The following TRIM10 variants were observed in gnomAD, a reference collection of about 807,000 sequenced individuals.
TRIM10 encodes the protein tripartite motif-containing protein 10.
TRIM10 carries 42 observed loss-of-function variants against 40.0 expected under a neutral mutation model. The ratio of observed to expected loss-of-function variants is 1.05; its 90% CI spans 0.82 to 1.36. The LOEUF (loss-of-function observed/expected upper bound fraction) is 1.36, where lower values mean the gene tolerates loss of function less well. Ranked by LOEUF, TRIM10 falls within the 40% of genes most tolerant of loss-of-function variation. The probability of loss-of-function intolerance (pLI) is 0.00; values close to 1 mark genes in which losing one functional copy is unlikely to be tolerated. For synonymous variants in TRIM10, 260 were observed against 239.5 expected (o/e 1.09, Z -0.79); for missense variants, 601 against 608.3 (o/e 0.99, Z 0.13).
At chr6:30,155,407 A>G (rs1167640884) in intron 6 of TRIM10, among the ~76,000 whole-genome samples, 1 of 152,216 alleles carries the variant, frequency 6.6e-6, no homozygotes, top group African/African-American at 2.4e-5. Flanking sequence ...TAATCTTTCT[A>G]TCTACTCGAC....
Position 30,160,952 on chromosome 6 carries a change from C to A in TRIM10, c.-94G>T. On this transcript the variant is annotated 5_prime_UTR_variant, in exon 1 of 7. The change abolishes an upstream ATG in the 5' untranslated region. Coordinates refer to ENST00000449742, the MANE Select transcript of TRIM10 (RefSeq NM_006778.4). Reference sequence around the variant, plus strand: ...ACACACTCACACACCCACACATGCACATGGCTGGACACAGGCACATACTAA... The same window carrying A: ...ACACACTCACACACCCACACATGCAAATGGCTGGACACAGGCACATACTAA... 1 of 1,237,598 alleles carries A rather than the reference C, an allele frequency of 8.1e-7. No homozygotes were observed. The highest frequency in any genetic ancestry group is 1.1e-6 in the Non-Finnish European group (1 of 909,680). 76.7% of individuals were successfully genotyped at this position (1,237,598 alleles called of 1,614,324 possible). A position where few individuals can be genotyped will look rare whatever the true frequency, so the allele number is the denominator to read the frequency against.
chr6:30,162,133 T>A (rs1396328098), upstream of TRIM10, among the ~76,000 whole-genome samples: 1 of 151,750 alleles, frequency 6.6e-6, no homozygotes, highest in Admixed American at 6.6e-5. Flanking sequence ...AAAATTAGCC[T>A]GGCGTGCTGG....
rs767091803 is a variant in TRIM10, at chr6:30,157,064, C to A, written c.780-10G>T. Reference sequence around the variant, plus strand: ...CTTTCTGGTTTCACATCTAGGGGCACAGAAATGGCTGGGTCTGGGAATTAT... The same window carrying A: ...CTTTCTGGTTTCACATCTAGGGGCAAAGAAATGGCTGGGTCTGGGAATTAT... On this transcript the variant is annotated splice_polypyrimidine_tract_variant and intron_variant, in intron 4 of 6. Transcript: ENST00000449742. 114 of 1,611,590 alleles carry A rather than the reference C, an allele frequency of 7.1e-5. No individual in the cohort carries two copies. Among genetic ancestry groups the A allele is most frequent in the East Asian group, 8.9e-5 (4 of 44,884 alleles).
At position 30,158,561 on chromosome 6, in the gene TRIM10, T is replaced by C. The variant is rs1477035102; in HGVS notation, c.594A>G (p.Glu198=). ...ATTGTGCTAAGAGGATGCTCTGCTG[T>C]TCCTCTAGAAACTTCCTCAGGTGTG... ...EFAHLRKFLE[E]QQSILLAQLE... is the part of the protein sequence containing the mutation. The change falls in exon 3 of 7, where the codon GAA becomes GAG. Residue 198 remains glutamate (E), a synonymous_variant. Transcript: ENST00000449742. 1.9e-6 allele frequency: 3 copies of C among 1,612,918 alleles called. No homozygotes were observed. Among genetic ancestry groups the C allele is most frequent in the Non-Finnish European group, 2.5e-6 (3 of 1,180,042 alleles).
chr6:30,162,003 C>T (rs556853381), upstream of TRIM10, among the ~76,000 whole-genome samples: 9 of 152,024 alleles, frequency 5.9e-5, no homozygotes, highest in South Asian at 1.2e-3. Flanking sequence ...TGGCCGGGCG[C>T]GGTGGCTCAC....
chr6:30,161,048 G>T lies in TRIM10; in HGVS notation c.-190C>A. The stretch of plus-strand genomic sequence containing the variant: ...CCAGGGTTCTATTCTCCTGCCAACA[G>T]CAGAGATGGGAAATAGCAGAGGAGA... On this transcript the variant is annotated 5_prime_UTR_variant, in exon 1 of 7. In the 5' UTR this introduces an upstream ATG that the reference lacks. Coordinates refer to ENST00000449742, the MANE Select transcript of TRIM10 (RefSeq NM_006778.4). 1 of 622,512 alleles carries T rather than the reference G, an allele frequency of 1.6e-6. No homozygotes were observed. Among genetic ancestry groups the T allele is most frequent in the Non-Finnish European group, 2.8e-6 (1 of 360,744 alleles). 38.6% of individuals were successfully genotyped at this position (622,512 alleles called of 1,614,324 possible). A position where few individuals can be genotyped will look rare whatever the true frequency, so the allele number is the denominator to read the frequency against.
intron 5 of TRIM10, among the ~76,000 whole-genome samples, chr6:30,156,523 G>A (rs1447182978): frequency 5.9e-5 from 9 of 152,150 alleles, no homozygotes; most frequent in South Asian, 4.1e-4. Flanking sequence ...AAGGAGGGAC[G>A]AGCCAGATAC....
chr6:30,154,636 T>A, intron 6 of TRIM10, 150 bp from the exon 7 acceptor site: 1 of 953,460 alleles, frequency 1.0e-6, no homozygotes, highest in Non-Finnish European at 1.6e-6. Context: ...TGGAACCACC[T>A]GGGAACTTGT....
At position 30,160,525 on chromosome 6, in the gene TRIM10, C is replaced by A. The variant is rs371075662; in HGVS notation, c.334G>T (p.Asp112Tyr). 2 of 1,614,092 alleles carry A rather than the reference C, an allele frequency of 1.2e-6. No homozygotes were observed. The highest frequency in any genetic ancestry group is 2.7e-5 in the African/African-American group (2 of 74,934). ...HGEKIYFFCE[D>Y]DEMQLCVVCR... is the part of the protein sequence containing the mutation. ...ACCACGCACAACTGCATCTCATCAT[C>A]CTCACAGAAGAAGTAGATCTTCTCT... Residue 112 changes from aspartate to tyrosine, a missense_variant, in exon 1 of 7, where the codon GAT becomes TAT. Transcript: ENST00000449742.
At position 30,152,322 on chromosome 6, in the gene TRIM10, T is replaced by A. The variant is rs1217553439; in HGVS notation, c.*1647A>T. ...TAATAGTCCTTTCAAAAGACACAGCTAAAGCCAATAAAAATAAACAAAAAT... is the reference window on the plus strand; with the variant it reads ...TAATAGTCCTTTCAAAAGACACAGCAAAAGCCAATAAAAATAAACAAAAAT... On this transcript the variant is annotated 3_prime_UTR_variant, in exon 7 of 7. Transcript: ENST00000449742. 1 of 147,968 alleles carries A rather than the reference T, an allele frequency of 6.8e-6. No individual in the cohort carries two copies. Among genetic ancestry groups the A allele is most frequent in the Non-Finnish European group, 1.5e-5 (1 of 66,164 alleles). 9.2% of individuals were successfully genotyped at this position (147,968 alleles called of 1,614,324 possible).
upstream of TRIM10, chr6:30,163,562 C>G: frequency 3.1e-6 from 4 of 1,300,784 alleles, no homozygotes; most frequent in Non-Finnish European, 4.1e-6. Context: ...CTTTCTCTCT[C>G]TCTGTCTCTT....
chr6:30,154,424 G>T lies in TRIM10; in HGVS notation c.991C>A (p.Arg331=), dbSNP rs146382928. Residue 331 remains arginine, a synonymous_variant, in exon 7 of 7, where the codon CGA becomes AGA. Transcript: ENST00000449742. The part of the protein sequence containing the change: ...PKLLLSEDHQ[R]AQFSYKWQNS... ...TGCCATTTGTAGGAGAACTGAGCTC[G>T]CTGGTGGTCCTCGGACAAGAGGAGC... The T allele has an allele frequency of 2.5e-6, 4 of 1,613,026 alleles. No homozygotes were observed. The South Asian group carries it at 3.3e-5, about 13-fold the overall frequency.
intron 6 of TRIM10, 129 bp downstream of exon 6, chr6:30,155,598 A>G (rs1772458534): frequency 1.4e-6 from 1 of 709,702 alleles, no homozygotes; most frequent in Non-Finnish European, 2.4e-6. Flanking sequence ...TATGATGTGT[A>G]TATGTATCCA....
intron 6 of TRIM10, 109 bp downstream of exon 6, chr6:30,155,618 G>C (rs1043157420): frequency 2.7e-5 from 25 of 934,546 alleles, no homozygotes; most frequent in Non-Finnish European, 3.7e-5. Flanking sequence ...ATGGGTGTTT[G>C]TTATGACTAT....
chr6:30,156,639 A>C, intron 5 of TRIM10: 1 of 431,210 alleles, frequency 2.3e-6, no homozygotes, highest in Non-Finnish European at 4.2e-6. Flanking sequence ...TAACTTATTA[A>C]GAATGATATA....
Position 30,155,643 on chromosome 6 carries a change from CAT to C in TRIM10, c.928+82_928+83del, listed in dbSNP as rs1772463498. 17 of 1,239,068 alleles carry C rather than the reference CAT, an allele frequency of 1.4e-5. No individual in the cohort carries two copies. In the South Asian group the frequency reaches 2.2e-4, roughly 16 times the overall value. 76.8% of individuals were successfully genotyped at this position (1,239,068 alleles called of 1,614,324 possible). The stretch of plus-strand genomic sequence containing the variant: ...GTTATGACTATTGTCATAGTCATAA[CAT>C]AGTCATAGTGCAAATCCTGCAAAAT... On this transcript the variant is annotated intron_variant, in intron 6 of 6. Coordinates refer to ENST00000449742, the MANE Select transcript of TRIM10 (RefSeq NM_006778.4).
Position 30,153,710 on chromosome 6 carries a change from A to G in TRIM10, c.*259T>C. The G allele has an allele frequency of 6.2e-7, 1 of 1,612,920 alleles. No homozygotes were observed. The highest frequency in any genetic ancestry group is 8.5e-7 in the Non-Finnish European group (1 of 1,179,974). On this transcript the variant is annotated 3_prime_UTR_variant, in exon 7 of 7. Coordinates refer to ENST00000449742, the MANE Select transcript of TRIM10 (RefSeq NM_006778.4). ...TTTCTATGCAGCTACTTCTGTGCCAAGCACGGATGGTGGTGAGCAGAACTG... is the reference window on the plus strand; with the variant it reads ...TTTCTATGCAGCTACTTCTGTGCCAGGCACGGATGGTGGTGAGCAGAACTG...
chr6:30,163,843 G>A, upstream of TRIM10: 1 of 1,613,074 alleles, frequency 6.2e-7, no homozygotes, highest in Non-Finnish European at 8.5e-7. Flanking sequence ...CCTCGGGCAA[G>A]ATCCTGCTCT....
chr6:30,160,216 C>G (rs1772942654), intron 1 of TRIM10, among the ~76,000 whole-genome samples: 1 of 152,160 alleles, frequency 6.6e-6, no homozygotes, highest in African/African-American at 2.4e-5. Context: ...ACTTGTTGAA[C>G]TCCCGTTATC....
Sources: gnomAD v4.1 joint callset for allele counts (sites outside exome capture counted in the v4.1 genomes callset) on GRCh38, gnomAD v4.1.1 for gene constraint, MANE v1.5 for transcripts, NCBI Gene and HGNC (gene_info 2026-07-23, HGNC 2026-07-21) for gene names.